POLR2F: variants seen among roughly 807,000 people sequenced by gnomAD.
The protein encoded by POLR2F is RNA polymerase II, I and III subunit F, also known as DNA-directed RNA polymerases I, II, and III subunit RPABC2.
In POLR2F, 12 loss-of-function variants were observed where a neutral mutation model predicts 22.7. The ratio of observed to expected loss-of-function variants is 0.53; its 90% CI spans 0.34 to 0.86. The LOEUF is 0.86. POLR2F is among the 40% of genes least tolerant of loss of function. The probability of loss-of-function intolerance (pLI) is 0.02; values close to 1 mark genes in which losing one functional copy is unlikely to be tolerated. For missense variants in POLR2F, 126 were observed against 171.5 expected (o/e 0.73, Z 1.48); for synonymous variants, 57 against 66.0 (o/e 0.86, Z 0.66).
chr22:37,994,964 C>G lies in POLR2F; in HGVS notation c.120+8652C>G, dbSNP rs1274466133. 2.0e-5 allele frequency among the ~76,000 whole-genome samples: 3 copies of G among 152,354 alleles called. No homozygotes were observed. In the South Asian group the frequency reaches 6.2e-4, roughly 32 times the overall value. On this transcript the variant is annotated intron_variant, in intron 1 of 2. Coordinates refer to the POLR2F transcript ENST00000333418. ...CAGGTGTTTTATATTTACCTCACCT[C>G]TCTACCAGGTGGCAAATTGAGAAAT... is the stretch of plus-strand genomic sequence containing the variant.
At chr22:37,955,315 G>A (rs1332028733) in intron 1 of POLR2F, among the ~76,000 whole-genome samples, 1 of 151,618 alleles carries the variant, frequency 6.6e-6, no homozygotes, top group East Asian at 1.9e-4. Context: ...GAGGAGGGTG[G>A]ATCACCTGAG....
Position 37,968,323 on chromosome 22 carries a change from C to T in POLR2F, c.*608C>T, listed in dbSNP as rs1358377314. ...GCAAGGACCGAGCACCTGCCTACCC[C>T]TGCCCCCATGGCTCTGTCCCCACTC... On this transcript the variant is annotated 3_prime_UTR_variant, in exon 5 of 5. Transcript: ENST00000442738. 6.1e-6 allele frequency: 6 copies of T among 985,828 alleles called. No individual in the cohort carries two copies. Among genetic ancestry groups the T allele is most frequent in the Non-Finnish European group, 7.2e-6 (6 of 830,232 alleles). The allele number at this position is 985,828 out of a possible 1,614,324, so 61.1% of individuals were successfully genotyped here.
chr22:37,983,819 G>A (rs1028963294), upstream of POLR2F: 3 of 1,395,368 alleles, frequency 2.1e-6, no homozygotes, highest in Admixed American at 2.8e-5. This position sits in a 1 kb window ranked among gnomAD's most constrained non-coding sequence, Gnocchi z 9.5. Context: ...CGCCTCGGCC[G>A]CCTCCCCCGG....
chr22:38,021,704 G>A (rs956238034), intron 1 of POLR2F, among the ~76,000 whole-genome samples: 4 of 152,022 alleles, frequency 2.6e-5, no homozygotes, highest in African/African-American at 7.2e-5. Flanking sequence ...TGATCCTCAC[G>A]CCTCAGCCTC....
intron 1 of POLR2F, among the ~76,000 whole-genome samples, chr22:37,954,862 T>C (rs1170647444): frequency 6.6e-6 from 1 of 151,796 alleles, no homozygotes; most frequent in Non-Finnish European, 1.5e-5. Context: ...ATTTGGACAT[T>C]GAGTGCTTGG....
intron 1 of POLR2F, among the ~76,000 whole-genome samples, chr22:37,954,352 G>C (rs1226927867): frequency 1.3e-5 from 2 of 151,988 alleles, no homozygotes; most frequent in Non-Finnish European, 2.9e-5. Flanking sequence ...GCCCAGGCTG[G>C]AGTGCAGTGG....
At chr22:38,019,185 C>T (rs2084939435) in intron 1 of POLR2F, among the ~76,000 whole-genome samples, 1 of 151,908 alleles carries the variant, frequency 6.6e-6, no homozygotes, top group African/African-American at 2.4e-5. Flanking sequence ...GGACTTGACA[C>T]ATGTTTGGGG....
chr22:38,030,887 G>A (rs2085058298), downstream of POLR2F, among the ~76,000 whole-genome samples: 1 of 152,138 alleles, frequency 6.6e-6, no homozygotes, highest in Non-Finnish European at 1.5e-5. Flanking sequence ...TCAGTTGCTG[G>A]ACAAATCCAT....
rs771379672 is a variant in POLR2F at position 37,959,363 on chromosome 22, C to G, written c.108C>G (p.Val36=). 13 of 1,613,888 alleles carry G rather than the reference C, an allele frequency of 8.1e-6. No homozygotes were observed. Among genetic ancestry groups the G allele is most frequent in the Non-Finnish European group, 1.1e-5 (13 of 1,179,952 alleles). ...ENAEEEGQEN[V]EILPSGERPQ... Reference sequence around the variant, plus strand: ...GTGTCCAGGAAGGCCAGGAGAATGTCGAGATCCTCCCCTCTGGGGAGCGAC... The same window carrying G: ...GTGTCCAGGAAGGCCAGGAGAATGTGGAGATCCTCCCCTCTGGGGAGCGAC... Residue 36 remains valine, a synonymous_variant, in exon 3 of 5, where the codon GTC becomes GTG. Transcript: ENST00000442738.
rs746722981 is a variant in POLR2F at position 37,978,199 on chromosome 22, G to A, written c.293+11029G>A. On this transcript the variant is annotated intron_variant, in intron 4 of 4. Coordinates refer to the POLR2F transcript ENST00000405557. This position sits in a 1 kb window ranked among gnomAD's most constrained non-coding sequence, Gnocchi z 5.0. ...CTGGCGTGAATGCCAGAGCACTCCA[G>A]GTTGGCCTCCCTCTGAGTGTCCATC... 209 of 1,446,058 alleles carry A rather than the reference G, an allele frequency of 1.4e-4. No homozygotes were observed. The highest frequency in any genetic ancestry group is 6.4e-5 in the Non-Finnish European group (70 of 1,096,948). 89.6% of individuals were successfully genotyped at this position (1,446,058 alleles called of 1,614,324 possible).
intron 1 of POLR2F, among the ~76,000 whole-genome samples, chr22:38,019,616 T>TG (rs1194426145): frequency 2.6e-5 from 4 of 152,116 alleles, no homozygotes; most frequent in South Asian, 2.1e-4. Flanking sequence ...GCGGACATGG[T>TG]GGGGGGGCAC....
intron 1 of POLR2F, among the ~76,000 whole-genome samples, chr22:38,013,741 T>A (rs1336850358): frequency 6.6e-6 from 1 of 152,246 alleles, no homozygotes; most frequent in East Asian, 1.9e-4. Flanking sequence ...TATCCCCAAG[T>A]TATCCCTAAA....
rs1297996655 is a variant in POLR2F, at chr22:38,031,698, C to T, written c.453-9370C>T. On this transcript the variant is annotated intron_variant, in intron 5 of 5. Coordinates refer to the POLR2F transcript ENST00000407936. The surrounding 1 kb of genome is among the most constrained non-coding windows in gnomAD (Gnocchi z 4.1). ...TGACCCTGGTGACCTCCGAAGGTTG[C>T]TTCCAGCCTGAAAGTGCTGTGAGTC... Among the ~76,000 whole-genome samples the T allele has an allele frequency of 6.6e-6, 1 of 152,206 alleles. No homozygotes were observed. The highest frequency in any genetic ancestry group is 1.5e-5 in the Non-Finnish European group (1 of 68,034).
rs545871612 is a variant in POLR2F at position 37,980,815 on chromosome 22, G to A, written c.293+13645G>A. On this transcript the variant is annotated intron_variant, in intron 4 of 4. Coordinates refer to the POLR2F transcript ENST00000405557. This position sits in a 1 kb window ranked among gnomAD's most constrained non-coding sequence, Gnocchi z 4.1. Reference sequence around the variant, plus strand: ...ACCCCAACCGGGGACCTCCCACAGTGGGGCACTGATTGCTGCTACCTGTGT... The same window carrying A: ...ACCCCAACCGGGGACCTCCCACAGTAGGGCACTGATTGCTGCTACCTGTGT... 6.6e-6 allele frequency among the ~76,000 whole-genome samples: 1 copy of A among 152,368 alleles called. No individual in the cohort carries two copies. The highest frequency in any genetic ancestry group is 1.5e-5 in the Non-Finnish European group (1 of 68,048).
At chr22:37,972,432 A>AT (rs2145758692), downstream of POLR2F, 2 of 357,686 alleles carry the variant, frequency 5.6e-6, no homozygotes, top group East Asian at 7.9e-5. Context: ...TTACATGTGG[A>AT]TTTGGGGGGC....
intron 5 of POLR2F, among the ~76,000 whole-genome samples, chr22:38,037,081 G>C (rs527271788): frequency 6.6e-6 from 1 of 152,074 alleles, no homozygotes; most frequent in African/African-American, 2.4e-5. Context: ...AGGTTTACTT[G>C]TATACTATGC....
chr22:38,034,851 G>C (rs1289683734), intron 5 of POLR2F, among the ~76,000 whole-genome samples: 3 of 152,148 alleles, frequency 2.0e-5, no homozygotes, highest in African/African-American at 4.8e-5. Context: ...GGGAGCTTTC[G>C]GCCCAGGGCT....
upstream of POLR2F, chr22:37,983,861 A>T: frequency 8.0e-7 from 1 of 1,246,840 alleles, no homozygotes; most frequent in Non-Finnish European, 1.0e-6. The surrounding 1 kb of genome is among the most constrained non-coding windows in gnomAD (Gnocchi z 9.5). Flanking sequence ...AAAGAGTCCA[A>T]CGCCCACCTG....
chr22:38,012,621 C>G (rs2084880612), intron 1 of POLR2F, among the ~76,000 whole-genome samples: 1 of 152,134 alleles, frequency 6.6e-6, no homozygotes. Flanking sequence ...GTTCCAGGAT[C>G]CAAGCCGGAA....
Sources: allele counts gnomAD v4.1 joint callset (sites outside exome capture counted in the v4.1 genomes callset), GRCh38; gene constraint gnomAD v4.1.1; non-coding constraint Gnocchi (gnomAD v3.1); transcripts MANE v1.5; gene names NCBI Gene and HGNC (gene_info 2026-07-23, HGNC 2026-07-21).